CLK1: variants seen among roughly 807,000 people sequenced by gnomAD.
CLK1 encodes the protein CDC like kinase 1.
A neutral mutation model predicts 60.9 loss-of-function variants in CLK1; 40 were observed. The observed-to-expected ratio is 0.66, with a 90% CI of 0.51 to 0.86. The LOEUF is 0.86. Ranked by LOEUF, CLK1 falls within the 40% of genes least tolerant of loss-of-function variation. The probability of loss-of-function intolerance (pLI) is 0.00; values close to 1 mark genes in which losing one functional copy is unlikely to be tolerated. For synonymous variants in CLK1, 203 were observed against 184.4 expected, an observed-to-expected ratio of 1.10 and a Z score of -0.82; for missense variants, 563 against 606.1, an observed-to-expected ratio of 0.93 and a Z score of 0.75.
intron 5 of CLK1, among the ~76,000 whole-genome samples, chr2:200,859,417 C>T (rs1425429024): frequency 6.6e-6 from 1 of 152,070 alleles, no homozygotes; most frequent in Non-Finnish European, 1.5e-5. Context: ...GGCCTAACAA[C>T]AGTGTCCAGT....
At chr2:200,855,520 G>A (rs1473708374) in intron 9 of CLK1, among the ~76,000 whole-genome samples, 1 of 152,104 alleles carries the variant, frequency 6.6e-6, no homozygotes, top group East Asian at 1.9e-4. Context: ...AGCTACTCAG[G>A]AGGCTGAGGT....
chr2:200,860,527 T>G, intron 3 of CLK1: 1 of 1,075,598 alleles, frequency 9.3e-7, no homozygotes, highest in Non-Finnish European at 1.1e-6. Flanking sequence ...TAGCATTCAC[T>G]GAAACATAAT....
chr2:200,854,498 T>C (rs1392026854), intron 11 of CLK1, 118 bp downstream of exon 11: 7 of 653,554 alleles, frequency 1.1e-5, no homozygotes, highest in Non-Finnish European at 1.9e-5. Context: ...GTCACGCCAC[T>C]GCACTCCAGC....
At chr2:200,854,030 C>A in intron 11 of CLK1, 37 bp from the exon 12 acceptor site, 1 of 1,443,410 alleles carries the variant, frequency 6.9e-7, no homozygotes. Context: ...GTTTATAACA[C>A]TGAAAACTTA....
intron 1 of CLK1, among the ~76,000 whole-genome samples, chr2:200,862,792 A>G (rs193021633): frequency 2.0e-4 from 31 of 152,374 alleles, no homozygotes; most frequent in African/African-American, 6.3e-4. Context: ...AATCAGAGTT[A>G]TATCTGAGTT....
At chr2:200,859,603 C>G in intron 5 of CLK1, 77 bp downstream of exon 5, 1 of 1,192,752 alleles carries the variant, frequency 8.4e-7, no homozygotes, top group Non-Finnish European at 1.2e-6. Flanking sequence ...AACTCATGGT[C>G]AGACCACTTT....
chr2:200,856,459 T>C (rs2039046404), intron 9 of CLK1, among the ~76,000 whole-genome samples: 1 of 152,126 alleles, frequency 6.6e-6, no homozygotes, highest in African/African-American at 2.4e-5. Flanking sequence ...CTACCACATA[T>C]TACAAATGTG....
In CLK1 at chr2:200,857,597, T is replaced by C. The variant is rs12329121; in HGVS notation, c.832+121A>G. 4.6e-3 allele frequency: 3,616 copies of C among 789,960 alleles called. 99 individuals carry two copies. The African/African-American group carries it at 0.057, about 12-fold the overall frequency. The allele number at this position is 789,960 out of a possible 1,614,324, so 48.9% of individuals were successfully genotyped here. A position where few individuals can be genotyped will look rare whatever the true frequency, so the allele number is the denominator to read the frequency against. On this transcript the variant is annotated intron_variant, in intron 7 of 12. Transcript: ENST00000321356. Reference sequence around the variant, plus strand: ...AACAGCCTGTAATCAAATCTCTTCATACCTATTCTTCCTCCCCCTTTATTT... The same window carrying C: ...AACAGCCTGTAATCAAATCTCTTCACACCTATTCTTCCTCCCCCTTTATTT...
intron 1 of CLK1, chr2:200,863,997 G>A: frequency 7.8e-7 from 1 of 1,284,320 alleles, no homozygotes; most frequent in Non-Finnish European, 1.0e-6. Flanking sequence ...TCTGGTTTTT[G>A]TTAACACCAC....
chr2:200,854,927 G>A, intron 10 of CLK1, 77 bp downstream of exon 10: 2 of 1,074,138 alleles, frequency 1.9e-6, no homozygotes, highest in South Asian at 1.4e-5. Flanking sequence ...TATAATGGGG[G>A]AAGCAAAAGT....
chr2:200,857,939 G>C (rs1304469631), intron 6 of CLK1, 34 bp downstream of exon 6: 2 of 1,609,440 alleles, frequency 1.2e-6, no homozygotes, highest in African/African-American at 2.7e-5. Flanking sequence ...AAATATACCT[G>C]ATACCACTTC....
At chr2:200,864,241 G>T (rs2039191891) in intron 1 of CLK1, 2 of 1,539,716 alleles carry the variant, frequency 1.3e-6, no homozygotes, top group Non-Finnish European at 8.7e-7. Context: ...CAGCTCCGCC[G>T]AGGCGGTTCA....
chr2:200,859,258 A>C (rs1354099271), intron 5 of CLK1, among the ~76,000 whole-genome samples: 1 of 152,180 alleles, frequency 6.6e-6, no homozygotes, highest in Non-Finnish European at 1.5e-5. Flanking sequence ...ATCTCCAGCT[A>C]TGTTATCAGA....
intron 9 of CLK1, among the ~76,000 whole-genome samples, chr2:200,855,518 A>G (rs1437539095): frequency 6.6e-6 from 1 of 152,026 alleles, no homozygotes; most frequent in Non-Finnish European, 1.5e-5. Flanking sequence ...CCAGCTACTC[A>G]GGAGGCTGAG....
chr2:200,861,319 C>T lies in CLK1; in HGVS notation c.309G>A (p.Lys103=). Reference sequence around the variant, plus strand: ...TACTTCTTCCACTTCTACCAGAAGACTTGCTACTATGGTTCTGATACCGGC... The same window carrying T: ...TACTTCTTCCACTTCTACCAGAAGATTTGCTACTATGGTTCTGATACCGGC... ...HESRYQNHSS[K]SSGRSGRSSY... is the part of the protein sequence containing the mutation. The change falls in exon 3 of 13, where the codon AAG becomes AAA. Residue 103 remains lysine (K), a synonymous_variant. Transcript: ENST00000321356. The T allele has an allele frequency of 1.2e-6, 2 of 1,614,144 alleles. No individual in the cohort carries two copies. The highest frequency in any genetic ancestry group is 1.7e-6 in the Non-Finnish European group (2 of 1,180,010).
intron 1 of CLK1, chr2:200,864,272 CG>C: frequency 6.7e-7 from 1 of 1,494,518 alleles, no homozygotes; most frequent in Non-Finnish European, 8.9e-7. Context: ...CCCGCCCGAC[CG>C]TCCCGCGTCA....
intron 9 of CLK1, 38 bp from the exon 10 acceptor site, chr2:200,855,124 C>T: frequency 6.9e-7 from 1 of 1,439,674 alleles, no homozygotes. Flanking sequence ...AAAAAATACT[C>T]AATGTTTGTT....
rs928892847 is a variant in CLK1 at position 200,861,720 on chromosome 2, T to G, written c.143A>C (p.His48Pro). The G allele has an allele frequency of 5.6e-6, 9 of 1,613,948 alleles. No homozygotes were observed. The highest frequency in any genetic ancestry group is 2.2e-5 in the East Asian group (1 of 44,878). ...TCCTTACCTATCACACATTTTAGAG[T>G]GATTGTATTTGCAGCGCTTGTTCTC... ...AQENKRCKYN[H>P]SKMCDSHYLE... The change falls in exon 2 of 13, where the codon CAC (histidine) becomes CCC (proline). Residue 48 changes from histidine (H) to proline (P), a missense_variant. Transcript: ENST00000321356.
At chr2:200,860,055 C>T in intron 4 of CLK1, 70 bp downstream of exon 4, 1 of 1,541,156 alleles carries the variant, frequency 6.5e-7, no homozygotes, top group South Asian at 1.2e-5. Flanking sequence ...TTTCCAAATC[C>T]CTGAAAGCTT....
Sources: allele counts gnomAD v4.1 joint callset (sites outside exome capture counted in the v4.1 genomes callset), GRCh38; gene constraint gnomAD v4.1.1; transcripts MANE v1.5; gene names NCBI Gene and HGNC (gene_info 2026-07-23, HGNC 2026-07-21).